ARHGEF18: variants seen among roughly 807,000 people sequenced by gnomAD.
The protein encoded by ARHGEF18 is rho guanine nucleotide exchange factor 18.
In ARHGEF18, 93 loss-of-function variants were observed where a neutral mutation model predicts 155.7. The ratio of observed to expected loss-of-function variants is 0.60; its 90% confidence interval spans 0.50 to 0.71. The LOEUF is 0.71. Among genes scored for constraint, ARHGEF18 ranks in the 30% least tolerant of loss-of-function variants. The pLI is 0.00. For synonymous variants in ARHGEF18, 742 were observed against 753.1 expected, an observed-to-expected ratio of 0.99 and a Z score of 0.24; for missense variants, 1,593 against 1,816.1, an observed-to-expected ratio of 0.88 and a Z score of 2.23.
rs1273925440 is a variant in ARHGEF18 at position 7,470,427 on chromosome 19, C to T, written c.*129C>T. On this transcript the variant is annotated 3_prime_UTR_variant, in exon 29 of 29. Coordinates refer to ENST00000668164, the MANE Select transcript of ARHGEF18 (RefSeq NM_001367823.1). This position sits in a 1 kb window ranked among gnomAD's most constrained non-coding sequence, Gnocchi z 5.9. Reference sequence around the variant, plus strand: ...TCTTCCCTAGCAAACCACTGATGACCGCCTGGCAGGGGCCAGCCTGTCGGT... The same window carrying T: ...TCTTCCCTAGCAAACCACTGATGACTGCCTGGCAGGGGCCAGCCTGTCGGT... The T allele has an allele frequency of 8.4e-6, 8 of 954,034 alleles. No homozygotes were observed. The highest frequency in any genetic ancestry group is 3.4e-5 in the African/African-American group (2 of 58,624). 59.1% of individuals were successfully genotyped at this position (954,034 alleles called of 1,614,324 possible). A position where few individuals can be genotyped will look rare whatever the true frequency, so the allele number is the denominator to read the frequency against.
chr19:7,464,622 C>T lies in ARHGEF18; in HGVS notation c.2836C>T (p.Pro946Ser), dbSNP rs139001377. 18 of 1,613,836 alleles carry T rather than the reference C, an allele frequency of 1.1e-5. No homozygotes were observed. The highest frequency in any genetic ancestry group is 1.7e-5 in the Admixed American group (1 of 59,982). ...DPRPRDWRGPPNSPDLKLSDS... is the reference protein window; with the variant it reads ...DPRPRDWRGPSNSPDLKLSDS... ...CAGGCCCCGAGACTGGCGAGGCCCC[C>T]CAAACAGCCCGGACTTGAAGCTCAG... Residue 946 changes from proline to serine, a missense_variant, in exon 23 of 29, where the codon CCA (proline) becomes TCA (serine). Pro to Ser is a moderately conservative substitution (Grantham distance 74). Transcript: ENST00000668164.
chr19:7,439,733 T>C, intron 10 of ARHGEF18: 1 of 1,347,304 alleles, frequency 7.4e-7, no homozygotes, highest in Admixed American at 3.4e-5. Context: ...CACCCTAACA[T>C]CTGATCTAGA....
downstream of ARHGEF18, chr19:7,477,457 G>A (rs767441106): frequency 7.8e-6 from 11 of 1,406,694 alleles, no homozygotes; most frequent in African/African-American, 4.5e-5. Context: ...GAGAGGGGCC[G>A]CTTACACTCA....
intron 10 of ARHGEF18, among the ~76,000 whole-genome samples, chr19:7,397,351 G>T (rs989678724): frequency 6.6e-6 from 1 of 151,758 alleles, no homozygotes; most frequent in South Asian, 2.1e-4. Flanking sequence ...CTACAGCCTC[G>T]AACTCCTGGG....
Position 7,440,332 on chromosome 19 carries a change from CCT to C in ARHGEF18, c.968-9_968-8del. The C allele has an allele frequency of 1.2e-6, 2 of 1,611,580 alleles. No individual in the cohort carries two copies. Among genetic ancestry groups the C allele is most frequent in the Non-Finnish European group, 1.7e-6 (2 of 1,179,048 alleles). On this transcript the variant is annotated splice_polypyrimidine_tract_variant and intron_variant, in intron 10 of 28. Transcript: ENST00000668164. This position sits in a 1 kb window ranked among gnomAD's most constrained non-coding sequence, Gnocchi z 5.4. ...TTTCTCAGCACCAACTCTGTCCTTG[CCT>C]CTGTCACAGCCTCGCTCAAGGAGCA...
chr19:7,458,991 C>T (rs534785476), intron 19 of ARHGEF18, among the ~76,000 whole-genome samples: 21 of 152,314 alleles, frequency 1.4e-4, no homozygotes, highest in Non-Finnish European at 3.1e-4. Context: ...TGTCCTTCCT[C>T]CTTGGGCCGA....
chr19:7,352,531 C>CT lies in ARHGEF18; in HGVS notation c.-111+3310dup, dbSNP rs35219215. On this transcript the variant is annotated intron_variant, in intron 1 of 28. Transcript: ENST00000668164. ...TGTCCTTCTCACTTTCCTAGGTTTC[C>CT]TTTTTTTTTTTTTTTTTTTTGAGAT... 0.02 allele frequency among the ~76,000 whole-genome samples: 1,850 copies of CT among 93,134 alleles called. 266 individuals are homozygous for CT. The East Asian group carries it at 0.2, about 10-fold the overall frequency. The allele number at this position is 93,134 out of a possible 152,430, so 61.1% of individuals were successfully genotyped here. A position where few individuals can be genotyped will look rare whatever the true frequency, so the allele number is the denominator to read the frequency against.
chr19:7,406,043 G>C (rs892264637), intron 10 of ARHGEF18, among the ~76,000 whole-genome samples: 5 of 152,112 alleles, frequency 3.3e-5, no homozygotes, highest in Admixed American at 2.0e-4. Flanking sequence ...TAATTGCAGA[G>C]AGGAAAGAGG....
intron 23 of ARHGEF18, among the ~76,000 whole-genome samples, chr19:7,465,006 G>T (rs1402029151): frequency 6.6e-6 from 1 of 152,186 alleles, no homozygotes; most frequent in African/African-American, 2.4e-5. Flanking sequence ...GGCAGGTGTG[G>T]TGGTGCCTAC....
chr19:7,467,759 G>A, intron 26 of ARHGEF18, 75 bp downstream of exon 26: 1 of 1,374,692 alleles, frequency 7.3e-7, no homozygotes, highest in Non-Finnish European at 9.4e-7. Context: ...GTGCATGCAG[G>A]TGACAGGGTT....
rs1004707774 is a variant in ARHGEF18, at chr19:7,395,288, C to T, written c.967+12085C>T. The T allele has an allele frequency of 5.1e-6, 5 of 985,702 alleles. No homozygotes were observed. 61.1% of individuals were successfully genotyped at this position (985,702 alleles called of 1,614,324 possible). A position where few individuals can be genotyped will look rare whatever the true frequency, so the allele number is the denominator to read the frequency against. On this transcript the variant is annotated intron_variant, in intron 10 of 28. Transcript: ENST00000668164. This position sits in a 1 kb window ranked among gnomAD's most constrained non-coding sequence, Gnocchi z 5.0. Reference sequence around the variant, plus strand: ...GGGCGGTCCCGAGGAAAACGGGGCTCAGGAGGGGGCCCTCGGTCTCTTCAG... The same window carrying T: ...GGGCGGTCCCGAGGAAAACGGGGCTTAGGAGGGGGCCCTCGGTCTCTTCAG...
At chr19:7,477,004 G>A (rs1041560367), downstream of ARHGEF18, 12 of 434,482 alleles carry the variant, frequency 2.8e-5, no homozygotes, top group South Asian at 7.5e-5. Context: ...AGCCCTGCAC[G>A]GCCCCTGAAA....
At chr19:7,437,286 G>T (rs1974320509) in intron 10 of ARHGEF18, among the ~76,000 whole-genome samples, 1 of 151,110 alleles carries the variant, frequency 6.6e-6, no homozygotes, top group African/African-American at 2.4e-5. Context: ...AAATTAGCCG[G>T]GTGTGGTGGC....
In ARHGEF18 at chr19:7,399,425, TTCTAG is replaced by T. The variant is rs551093084; in HGVS notation, c.967+16226_967+16230del. Among the ~76,000 whole-genome samples, 254 of 152,222 alleles carry T rather than the reference TTCTAG, an allele frequency of 1.7e-3. 1 individual carries two copies. Among genetic ancestry groups the T allele is most frequent in the Admixed American group, 0.011 (166 of 15,274 alleles). ...TTCATAGTTTCAACTGAGTATAGAGTTCTAGTCTGATTATGTTCAATATGTTCAAA... is the reference window on the plus strand; with the variant it reads ...TTCATAGTTTCAACTGAGTATAGAGTTCTGATTATGTTCAATATGTTCAAA... On this transcript the variant is annotated intron_variant, in intron 10 of 28. Transcript: ENST00000668164.
chr19:7,376,798 G>A (rs1407470400), intron 5 of ARHGEF18, 41 bp downstream of exon 5: 8 of 1,201,254 alleles, frequency 6.7e-6, no homozygotes, highest in Non-Finnish European at 8.3e-6. Context: ...ACCAAGTCAG[G>A]GAAAGAGGAG....
At chr19:7,366,066 C>T (rs1197246349) in intron 2 of ARHGEF18, among the ~76,000 whole-genome samples, 1 of 152,198 alleles carries the variant, frequency 6.6e-6, no homozygotes, top group Non-Finnish European at 1.5e-5. Flanking sequence ...GTGCCTCAGC[C>T]TCCTGAGTAG....
intron 16 of ARHGEF18, 133 bp from the exon 17 acceptor site, chr19:7,453,333 CT>C: frequency 9.5e-7 from 1 of 1,049,300 alleles, no homozygotes. Context: ...GAGAACACAC[CT>C]CATAGATCCC....
Position 7,467,180 on chromosome 19 carries a change from C to A in ARHGEF18, c.3010-34C>A, listed in dbSNP as rs369149365. 5.1e-6 allele frequency: 8 copies of A among 1,577,826 alleles called. No individual in the cohort carries two copies. In the African/African-American group the frequency reaches 1.1e-4, roughly 21 times the overall value. On this transcript the variant is annotated intron_variant, in intron 25 of 28. Coordinates refer to ENST00000668164, the MANE Select transcript of ARHGEF18 (RefSeq NM_001367823.1). Reference sequence around the variant, plus strand: ...TTCCTGGTTGGCTGGGGCGCAGGTGCGGCTCTCACTCGCCTGGCCCTGGCC... The same window carrying A: ...TTCCTGGTTGGCTGGGGCGCAGGTGAGGCTCTCACTCGCCTGGCCCTGGCC...
rs1970889253 is a variant in ARHGEF18, at chr19:7,384,399, T to C, written c.967+1196T>C. Among the ~76,000 whole-genome samples, 5 of 152,208 alleles carry C rather than the reference T, an allele frequency of 3.3e-5. No individual in the cohort carries two copies. In the South Asian group the frequency reaches 1.0e-3, roughly 31 times the overall value. ...ATGGGCAAACAGATCCTAGATGGGC[T>C]TAGACCCTGCAGTGAGAGAACATCT... On this transcript the variant is annotated intron_variant, in intron 10 of 28. Coordinates refer to ENST00000668164, the MANE Select transcript of ARHGEF18 (RefSeq NM_001367823.1).
Sources: allele counts gnomAD v4.1 joint callset (sites outside exome capture counted in the v4.1 genomes callset), GRCh38; gene constraint gnomAD v4.1.1; non-coding constraint Gnocchi (gnomAD v3.1); transcripts MANE v1.5; gene names NCBI Gene and HGNC (gene_info 2026-07-23, HGNC 2026-07-21).